Variants in CACNB2 observed in about 807,000 individuals in gnomAD.
The protein encoded by CACNB2 is voltage-dependent L-type calcium channel subunit beta-2.
In CACNB2, 42 loss-of-function variants were observed where a neutral mutation model predicts 73.3. The observed-to-expected ratio is 0.57, with a 90% CI of 0.45 to 0.74. The LOEUF (loss-of-function observed/expected upper bound fraction) is 0.74. Ranked by LOEUF, CACNB2 falls within the 30% of genes least tolerant of loss-of-function variation. CACNB2 has a pLI of 0.00. For synonymous variants in CACNB2, 348 were observed against 310.3 expected (o/e 1.12, Z -1.28); for missense variants, 940 against 853.0 (o/e 1.10, Z -1.27).
intron 2 of CACNB2, among the ~76,000 whole-genome samples, chr10:18,319,032 G>C (rs1232498289): frequency 6.6e-6 from 1 of 152,106 alleles, no homozygotes; most frequent in Non-Finnish European, 1.5e-5. Context: ...TGTGGAAGAC[G>C]ATGTGGGAAT....
chr10:18,179,108 G>A (rs900906986), intron 2 of CACNB2, among the ~76,000 whole-genome samples: 7 of 152,134 alleles, frequency 4.6e-5, no homozygotes, highest in Admixed American at 2.6e-4. Flanking sequence ...AACCACAAAC[G>A]CTTTTATTGC....
chr10:18,536,243 C>CTTTTTTTTTTTTTTTTTTT, intron 12 of CACNB2, 47 bp downstream of exon 12: 3 of 280,946 alleles, frequency 1.1e-5, no homozygotes, highest in South Asian at 3.7e-5. Context: ...GAGATCAGAC[C>CTTTTTTTTTTTTTTTTTTT]TTTTTTTTTT....
chr10:18,267,636 A>C (rs1184277611), intron 2 of CACNB2, among the ~76,000 whole-genome samples: 3 of 152,200 alleles, frequency 2.0e-5, no homozygotes, highest in Non-Finnish European at 4.4e-5. Flanking sequence ...AAAAAGGGAA[A>C]TGAGGTAAAC....
chr10:18,337,135 CTTCT>C (rs2041038270), intron 2 of CACNB2, among the ~76,000 whole-genome samples: 1 of 149,992 alleles, frequency 6.7e-6, no homozygotes, highest in South Asian at 2.1e-4. Context: ...TCTTTTTTTT[CTTCT>C]TTCTTTGTAG....
intron 7 of CACNB2, among the ~76,000 whole-genome samples, chr10:18,516,183 C>A (rs1355769574): frequency 6.6e-6 from 1 of 151,944 alleles, no homozygotes; most frequent in African/African-American, 2.4e-5. Context: ...CCACTGCACT[C>A]CGGCCTGGGC....
intron 2 of CACNB2, among the ~76,000 whole-genome samples, chr10:18,299,591 C>T (rs1482994967): frequency 6.6e-6 from 1 of 152,066 alleles, no homozygotes; most frequent in Non-Finnish European, 1.5e-5. Flanking sequence ...TATACCTTTA[C>T]TCCCAGCTTC....
intron 2 of CACNB2, among the ~76,000 whole-genome samples, chr10:18,319,406 A>G (rs142983126): frequency 0.036 from 5,522 of 152,004 alleles, 159 homozygotes; most frequent in African/African-American, 0.081. Context: ...ATGAGAACAC[A>G]TGGACACAGG....
Position 18,150,868 on chromosome 10 carries a change from T to TTTTTTTTTTTTTTTG in CACNB2, c.121-3_121-2insTTGTTTTTTTTTTTT. 8.9e-7 allele frequency: 1 copy of TTTTTTTTTTTTTTTG among 1,127,140 alleles called. No individual in the cohort carries two copies. Among genetic ancestry groups the TTTTTTTTTTTTTTTG allele is most frequent in the South Asian group, 1.6e-5 (1 of 61,102 alleles). The allele number at this position is 1,127,140 out of a possible 1,614,324, so 69.8% of individuals were successfully genotyped here. ...AATCTTATTTGTCTTTTTTTTTTTT[T>TTTTTTTTTTTTTTTG]TTTTTTTTTTTTAGTCATATGGAAA... On this transcript the variant is annotated splice_polypyrimidine_tract_variant and intron_variant, in intron 1 of 13. Transcript: ENST00000324631.
At chr10:18,427,154 C>T (rs527492800) in intron 3 of CACNB2, among the ~76,000 whole-genome samples, 1 of 152,112 alleles carries the variant, frequency 6.6e-6, no homozygotes, top group African/African-American at 2.4e-5. Flanking sequence ...AGTGTTTCTC[C>T]ATGCTGGTCA....
rs1430088071 is a variant in CACNB2 at position 18,147,595 on chromosome 10, T to C, written c.121-3288T>C. Reference sequence around the variant, plus strand: ...CCTTATACAACCTGGGCTGCACTAATGATTAACTGTTTCAGATATTGGGCG... The same window carrying C: ...CCTTATACAACCTGGGCTGCACTAACGATTAACTGTTTCAGATATTGGGCG... On this transcript the variant is annotated intron_variant, in intron 1 of 13. Transcript: ENST00000324631. Among the ~76,000 whole-genome samples, 5 of 152,220 alleles carry C rather than the reference T, an allele frequency of 3.3e-5. No individual in the cohort carries two copies. In the South Asian group the frequency reaches 6.2e-4, roughly 19 times the overall value.
intron 3 of CACNB2, among the ~76,000 whole-genome samples, chr10:18,413,181 A>G (rs1026310851): frequency 6.6e-6 from 1 of 152,198 alleles, no homozygotes; most frequent in Admixed American, 6.5e-5. Context: ...CCTGTTGACC[A>G]GGCTGGTCTC....
intron 3 of CACNB2, among the ~76,000 whole-genome samples, chr10:18,494,631 CAAAA>C (rs909672661): frequency 1.6e-5 from 1 of 61,822 alleles, no homozygotes. Context: ...GACTCCGTCT[CAAAA>C]AAAAAAAAAA....
In CACNB2 at chr10:18,467,423, T is replaced by G. The variant is rs550953502; in HGVS notation, c.334-30932T>G. ...CAAATATTTATTGGTGTCTGGTGTA[T>G]GCCAGCAACTGGGAAAACAATAGGA... On this transcript the variant is annotated intron_variant, in intron 3 of 13. Transcript: ENST00000324631. 2.6e-5 allele frequency among the ~76,000 whole-genome samples: 4 copies of G among 152,302 alleles called. No homozygotes were observed. In the East Asian group the frequency reaches 7.7e-4, roughly 29 times the overall value.
At chr10:18,408,862 TA>T (rs2044448174) in intron 3 of CACNB2, among the ~76,000 whole-genome samples, 1 of 152,276 alleles carries the variant, frequency 6.6e-6, no homozygotes, top group Admixed American at 6.5e-5. Flanking sequence ...TGTTTATTAT[TA>T]TTTTTTTAGA....
chr10:18,259,567 A>AG (rs923024868), intron 2 of CACNB2, among the ~76,000 whole-genome samples: 10,908 of 139,576 alleles, frequency 0.078, 1,102 homozygotes, highest in Non-Finnish European at 0.12. Flanking sequence ...AAACAAACAA[A>AG]AAAAAAAAGT....
chr10:18,303,727 TG>T (rs1049025928), intron 2 of CACNB2, among the ~76,000 whole-genome samples: 4 of 152,134 alleles, frequency 2.6e-5, no homozygotes, highest in Admixed American at 6.5e-5. Context: ...AGGCTGTCCT[TG>T]GGGGTGCGTG....
chr10:18,384,439 T>C (rs1335336703), intron 2 of CACNB2, among the ~76,000 whole-genome samples: 1 of 152,066 alleles, frequency 6.6e-6, no homozygotes, highest in Non-Finnish European at 1.5e-5. Flanking sequence ...AGTATGAATA[T>C]GGTTGGCCAG....
At chr10:18,148,528 T>C (rs1255857286) in intron 1 of CACNB2, among the ~76,000 whole-genome samples, 1 of 152,228 alleles carries the variant, frequency 6.6e-6, no homozygotes, top group African/African-American at 2.4e-5. Flanking sequence ...ACCTCCTCTG[T>C]GACTGAATGT....
intron 2 of CACNB2, among the ~76,000 whole-genome samples, chr10:18,377,802 A>G (rs2042862195): frequency 1.3e-5 from 2 of 152,238 alleles, no homozygotes; most frequent in South Asian, 2.1e-4. Context: ...AATGCGCTAC[A>G]GATGCCACTT....
Sources: gnomAD v4.1 joint callset for allele counts (sites outside exome capture counted in the v4.1 genomes callset) on GRCh38, gnomAD v4.1.1 for gene constraint, MANE v1.5 for transcripts, NCBI Gene and HGNC (gene_info 2026-07-23, HGNC 2026-07-21) for gene names.